SOX5: variants seen among roughly 807,000 people sequenced by gnomAD.
The protein encoded by SOX5 is SRY-box transcription factor 5.
In SOX5, 9 loss-of-function variants were observed where a neutral mutation model predicts 92.0. The observed-to-expected ratio is 0.10, with a 90% CI of 0.06 to 0.17. The LOEUF (loss-of-function observed/expected upper bound fraction) is 0.17, where lower values mean the gene tolerates loss of function less well. SOX5 is among the 10% of genes least tolerant of loss of function. The probability of loss-of-function intolerance (pLI) is 1.00; values close to 1 mark genes in which losing one functional copy is unlikely to be tolerated. For missense variants in SOX5, 642 were observed against 944.5 expected (o/e 0.68, Z 4.20); for synonymous variants, 344 against 336.3 (o/e 1.02, Z -0.25).
intron 4 of SOX5, among the ~76,000 whole-genome samples, chr12:24,128,173 T>C (rs1305373058): frequency 6.6e-6 from 1 of 152,218 alleles, no homozygotes; most frequent in Non-Finnish European, 1.5e-5. Flanking sequence ...TTGCTGTTAT[T>C]TGTATTATTA....
intron 1 of SOX5, among the ~76,000 whole-genome samples, chr12:24,475,430 T>A (rs1363849994): frequency 6.6e-6 from 1 of 152,216 alleles, no homozygotes; most frequent in Non-Finnish European, 1.5e-5. Context: ...GCACAGTATC[T>A]TAAGCACATG....
Position 23,844,141 on chromosome 12 carries a change from A to G in SOX5, c.481+1842T>C, listed in dbSNP as rs1011865391. Among the ~76,000 whole-genome samples, 6 of 152,356 alleles carry G rather than the reference A, an allele frequency of 3.9e-5. No homozygotes were observed. The East Asian group carries it at 9.7e-4, about 25-fold the overall frequency. On this transcript the variant is annotated intron_variant, in intron 3 of 14. Coordinates refer to ENST00000451604, the MANE Select transcript of SOX5 (RefSeq NM_006940.6). ...CCACCACAGGGCAAAATCATCTGGC[A>G]ACACAACGTACTGTGGAGTATCATT...
At chr12:23,837,228 ATATATATT>A (rs1308215616) in intron 3 of SOX5, among the ~76,000 whole-genome samples, 19 of 118,290 alleles carry the variant, frequency 1.6e-4, no homozygotes, top group African/African-American at 5.7e-4. Flanking sequence ...ATGATATATA[ATATATATT>A]TATATAATAT....
intron 6 of SOX5, among the ~76,000 whole-genome samples, chr12:23,689,815 C>A (rs967162835): frequency 6.6e-6 from 1 of 152,038 alleles, no homozygotes; most frequent in Admixed American, 6.6e-5. Flanking sequence ...GTCCTAGAGT[C>A]CGGTGAATAA....
At position 24,240,415 on chromosome 12, in the gene SOX5, C is replaced by A. The variant is rs1965347738; in HGVS notation, c.-76-26998G>T. ...AAAACCACATTTCCCAAAACAACAA[C>A]TACTTTTCCGTACAAAGATGCAATT... On this transcript the variant is annotated intron_variant, in intron 3 of 4. Transcript: ENST00000446891. Among the ~76,000 whole-genome samples, 4 of 152,176 alleles carry A rather than the reference C, an allele frequency of 2.6e-5. No homozygotes were observed. The South Asian group carries it at 8.3e-4, about 31-fold the overall frequency.
intron 3 of SOX5, among the ~76,000 whole-genome samples, chr12:23,837,852 T>G (rs1181453995): frequency 1.0e-5 from 1 of 96,630 alleles, no homozygotes; most frequent in Non-Finnish European, 1.8e-5. Context: ...TATTTATATT[T>G]ATATAATATA....
At chr12:23,843,802 GATC>G (rs1317812666) in intron 3 of SOX5, among the ~76,000 whole-genome samples, 1 of 151,968 alleles carries the variant, frequency 6.6e-6, no homozygotes, top group Non-Finnish European at 1.5e-5. Context: ...GAACTCAGGT[GATC>G]CACCTGCCAC....
chr12:23,942,618 C>T (rs999932136), intron 1 of SOX5, among the ~76,000 whole-genome samples: 5 of 150,778 alleles, frequency 3.3e-5, no homozygotes, highest in African/African-American at 1.2e-4. Flanking sequence ...GATCTAACTC[C>T]CTTAAACTGC....
chr12:24,391,263 A>C (rs1379337161), intron 1 of SOX5, among the ~76,000 whole-genome samples: 1 of 152,114 alleles, frequency 6.6e-6, no homozygotes, highest in African/African-American at 2.4e-5. Context: ...CACTTTTAAA[A>C]GGAGTTACTG....
intron 4 of SOX5, among the ~76,000 whole-genome samples, chr12:23,750,007 C>G (rs1443765668): frequency 9.2e-5 from 14 of 151,674 alleles, no homozygotes; most frequent in Non-Finnish European, 1.9e-4. Flanking sequence ...GACGGAGTAT[C>G]TTGGATGCAA....
At chr12:23,950,405 A>G (rs1167236461), upstream of SOX5, among the ~76,000 whole-genome samples, 1 of 152,146 alleles carries the variant, frequency 6.6e-6, no homozygotes, top group African/African-American at 2.4e-5. Context: ...TGTCGGTCTC[A>G]CTGTTAGCTC....
At chr12:23,854,388 G>A (rs1287918794) in intron 2 of SOX5, among the ~76,000 whole-genome samples, 1 of 151,968 alleles carries the variant, frequency 6.6e-6, no homozygotes, top group Admixed American at 6.6e-5. Context: ...CAGAAGTCAG[G>A]ATATTTGGGT....
At chr12:24,205,243 T>C (rs970086356) in intron 4 of SOX5, among the ~76,000 whole-genome samples, 12 of 152,166 alleles carry the variant, frequency 7.9e-5, no homozygotes, top group African/African-American at 2.7e-4. Context: ...ACACCATATA[T>C]TACTCAATAT....
At chr12:24,378,677 G>A (rs919601419) in intron 1 of SOX5, among the ~76,000 whole-genome samples, 5 of 152,218 alleles carry the variant, frequency 3.3e-5, no homozygotes, top group Admixed American at 1.3e-4. Context: ...AATGTGCAGT[G>A]TGACAGAGCT....
intron 4 of SOX5, among the ~76,000 whole-genome samples, chr12:24,195,810 GAAC>G (rs991961484): frequency 2.7e-4 from 41 of 152,124 alleles, no homozygotes; most frequent in African/African-American, 8.9e-4. Context: ...GATTAATTAA[GAAC>G]AACTTAATAC....
intron 4 of SOX5, among the ~76,000 whole-genome samples, chr12:23,998,729 A>G (rs1951279942): frequency 7.6e-6 from 1 of 132,268 alleles, no homozygotes; most frequent in Non-Finnish European, 1.5e-5. Context: ...TGAACCTCGG[A>G]GGCGGAGGTT....
At chr12:24,134,756 G>A (rs1470831373) in intron 4 of SOX5, among the ~76,000 whole-genome samples, 1 of 152,132 alleles carries the variant, frequency 6.6e-6, no homozygotes, top group Admixed American at 6.5e-5. Flanking sequence ...AAAGAAAGCT[G>A]CCCAAAGGAA....
At chr12:24,468,356 G>A (rs143599952) in intron 1 of SOX5, among the ~76,000 whole-genome samples, 294 of 152,026 alleles carry the variant, frequency 1.9e-3, no homozygotes, top group African/African-American at 6.5e-3. Flanking sequence ...TACCTGCCTT[G>A]TAAGGTCATT....
At chr12:24,280,345 C>A (rs527349220) in intron 2 of SOX5, among the ~76,000 whole-genome samples, 2 of 152,096 alleles carry the variant, frequency 1.3e-5, no homozygotes, top group Non-Finnish European at 2.9e-5. Context: ...GGGAGGAGCA[C>A]GCAGGTAGCT....
Sources: allele counts gnomAD v4.1 joint callset (sites outside exome capture counted in the v4.1 genomes callset), GRCh38; gene constraint gnomAD v4.1.1; transcripts MANE v1.5; gene names NCBI Gene and HGNC (gene_info 2026-07-23, HGNC 2026-07-21).